Variants in PPM1E observed in about 807,000 individuals in gnomAD.
The protein encoded by PPM1E is protein phosphatase 1E.
Under a neutral mutation model 65.9 loss-of-function variants are expected in PPM1E, and 20 were observed. That is an observed-to-expected ratio of 0.30 (90% CI 0.21 to 0.44). The LOEUF (loss-of-function observed/expected upper bound fraction) is 0.44, where lower values mean the gene tolerates loss of function less well. Among genes scored for constraint, PPM1E ranks in the 20% least tolerant of loss-of-function variants. The probability of loss-of-function intolerance (pLI) is 1.00; values close to 1 mark genes in which losing one functional copy is unlikely to be tolerated. For missense variants in PPM1E, 713 were observed against 953.1 expected, an observed-to-expected ratio of 0.75 and a Z score of 3.32; for synonymous variants, 352 against 374.9, an observed-to-expected ratio of 0.94 and a Z score of 0.70.
At chr17:58,773,456 TA>T (rs2049960463) in intron 1 of PPM1E, among the ~76,000 whole-genome samples, 1 of 152,174 alleles carries the variant, frequency 6.6e-6, no homozygotes, top group African/African-American at 2.4e-5. Flanking sequence ...TCAAATGCTG[TA>T]TCTTACTAGA....
intron 1 of PPM1E, among the ~76,000 whole-genome samples, chr17:58,810,840 A>G (rs1289532611): frequency 3.3e-5 from 5 of 151,962 alleles, no homozygotes; most frequent in African/African-American, 1.2e-4. Flanking sequence ...GTTATGGCCC[A>G]CTATATGGTC....
intron 1 of PPM1E, among the ~76,000 whole-genome samples, chr17:58,856,821 A>G (rs1433963148): frequency 6.6e-6 from 1 of 152,102 alleles, no homozygotes; most frequent in Non-Finnish European, 1.5e-5. Context: ...CTGTGAGAAA[A>G]TTTTCTGTTG....
intron 6 of PPM1E, among the ~76,000 whole-genome samples, chr17:58,974,460 A>T (rs2030869755): frequency 6.6e-6 from 1 of 152,258 alleles, no homozygotes; most frequent in Non-Finnish European, 1.5e-5. Flanking sequence ...CGTAGAGATT[A>T]AACAGCTAAG....
At chr17:58,907,731 A>G (rs1433517122) in intron 1 of PPM1E, among the ~76,000 whole-genome samples, 1 of 152,172 alleles carries the variant, frequency 6.6e-6, no homozygotes, top group African/African-American at 2.4e-5. Flanking sequence ...CTCCTTTATC[A>G]TTATGTAATG....
intron 1 of PPM1E, among the ~76,000 whole-genome samples, chr17:58,884,618 T>C (rs2051244556): frequency 6.6e-6 from 1 of 152,238 alleles, no homozygotes; most frequent in Admixed American, 6.5e-5. Flanking sequence ...ATTTCTTTGA[T>C]AGAGAGACTG....
chr17:58,917,815 G>C (rs2051702420), intron 1 of PPM1E, among the ~76,000 whole-genome samples: 1 of 151,686 alleles, frequency 6.6e-6, no homozygotes, highest in African/African-American at 2.4e-5. Context: ...TTCATTTACT[G>C]ACCAGATCAG....
intron 1 of PPM1E, among the ~76,000 whole-genome samples, chr17:58,767,223 A>G (rs192487056): frequency 6.6e-5 from 10 of 152,192 alleles, no homozygotes; most frequent in African/African-American, 2.4e-4. Context: ...ATTGTTTTAT[A>G]TTTATTACCT....
intron 4 of PPM1E, among the ~76,000 whole-genome samples, chr17:58,971,316 C>T (rs2030602760): frequency 6.6e-6 from 1 of 152,092 alleles, no homozygotes; most frequent in Admixed American, 6.6e-5. Flanking sequence ...TTGTTTTTCT[C>T]ATTGGATACA....
At chr17:58,895,753 C>T (rs779838762) in intron 1 of PPM1E, among the ~76,000 whole-genome samples, 6 of 151,902 alleles carry the variant, frequency 3.9e-5, no homozygotes, top group African/African-American at 1.5e-4. Context: ...AAGACTAAAG[C>T]GAACCATAGC....
At chr17:58,948,858 C>G (rs2052198712) in intron 1 of PPM1E, among the ~76,000 whole-genome samples, 1 of 152,086 alleles carries the variant, frequency 6.6e-6, no homozygotes, top group Non-Finnish European at 1.5e-5. Context: ...TAGTTTTATT[C>G]CATAGTCAGA....
chr17:58,786,036 A>C (rs2050097079), intron 1 of PPM1E, among the ~76,000 whole-genome samples: 1 of 138,924 alleles, frequency 7.2e-6, no homozygotes, highest in Non-Finnish European at 1.5e-5. Flanking sequence ...TTTTTTTGAG[A>C]CAGAGTCTCA....
At position 58,780,128 on chromosome 17, in the gene PPM1E, A is replaced by C. The variant is rs145049312; in HGVS notation, c.464+23667A>C. Reference sequence around the variant, plus strand: ...CCTGGAATTGAGGTTGTTGAAATATAGGGTATGCATGCTTAAAATCTTTTC... The same window carrying C: ...CCTGGAATTGAGGTTGTTGAAATATCGGGTATGCATGCTTAAAATCTTTTC... On this transcript the variant is annotated intron_variant, in intron 1 of 6. Coordinates refer to ENST00000308249, the MANE Select transcript of PPM1E (RefSeq NM_014906.5). Among the ~76,000 whole-genome samples, 44 of 152,374 alleles carry C rather than the reference A, an allele frequency of 2.9e-4. No homozygotes were observed. The East Asian group carries it at 4.6e-3, about 16-fold the overall frequency.
intron 1 of PPM1E, among the ~76,000 whole-genome samples, chr17:58,824,639 A>C (rs1034686435): frequency 4.0e-5 from 6 of 149,214 alleles, no homozygotes; most frequent in Non-Finnish European, 5.9e-5. Flanking sequence ...CCCAGGCTGG[A>C]GTGCAGTGGC....
intron 1 of PPM1E, among the ~76,000 whole-genome samples, chr17:58,869,103 G>A (rs1383816907): frequency 2.0e-5 from 3 of 152,208 alleles, no homozygotes; most frequent in African/African-American, 7.2e-5. Context: ...CCGGGAGGCA[G>A]AGATTGTGGT....
chr17:58,894,208 A>T (rs1422287086), intron 1 of PPM1E, among the ~76,000 whole-genome samples: 1 of 152,136 alleles, frequency 6.6e-6, no homozygotes, highest in African/African-American at 2.4e-5. Flanking sequence ...TGCAACCTCC[A>T]GCTCCTGGGT....
In PPM1E at chr17:58,816,954, C is replaced by T. The variant is rs73331031; in HGVS notation, c.464+60493C>T. Among the ~76,000 whole-genome samples the T allele has an allele frequency of 8.7e-3, 1,324 of 151,378 alleles. 23 individuals are homozygous for T. The highest frequency in any genetic ancestry group is 0.03 in the African/African-American group (1,221 of 41,262). On this transcript the variant is annotated intron_variant, in intron 1 of 6. Coordinates refer to ENST00000308249, the MANE Select transcript of PPM1E (RefSeq NM_014906.5). The stretch of plus-strand genomic sequence containing the variant: ...GGGCCTATGGCGCATGACCACCATG[C>T]CTGGCTAATTTTTTTGTATTTCTGG...
Position 58,817,912 on chromosome 17 carries a change from C to T in PPM1E, c.464+61451C>T, listed in dbSNP as rs576712756. Among the ~76,000 whole-genome samples, 22 of 152,212 alleles carry T rather than the reference C, an allele frequency of 1.4e-4. No individual in the cohort carries two copies. In the East Asian group the frequency reaches 3.5e-3, roughly 24 times the overall value. On this transcript the variant is annotated intron_variant, in intron 1 of 6. Transcript: ENST00000308249. ...GACTACAGGCGTCCGCCACCACGCC[C>T]GGTTAATTTTTTGTATTTTTAGTAG...
chr17:58,881,452 A>G (rs1418458907), intron 1 of PPM1E, among the ~76,000 whole-genome samples: 1 of 152,064 alleles, frequency 6.6e-6, no homozygotes, highest in African/African-American at 2.4e-5. Flanking sequence ...TCACAAGGTC[A>G]GGAGTTCAAG....
chr17:58,883,826 T>A (rs946088746), intron 1 of PPM1E, among the ~76,000 whole-genome samples: 1 of 152,110 alleles, frequency 6.6e-6, no homozygotes, highest in East Asian at 1.9e-4. Flanking sequence ...TAAAAGCCAA[T>A]TGGGAAGCCT....
Sources: gnomAD v4.1 joint callset for allele counts (sites outside exome capture counted in the v4.1 genomes callset) on GRCh38, gnomAD v4.1.1 for gene constraint, MANE v1.5 for transcripts, NCBI Gene and HGNC (gene_info 2026-07-23, HGNC 2026-07-21) for gene names.